Variants in PRKCH observed in about 807,000 individuals in gnomAD.
The protein encoded by PRKCH is protein kinase C eta type.
In PRKCH, 28 loss-of-function variants were observed where a neutral mutation model predicts 82.5. That is an observed-to-expected ratio of 0.34 (90% CI 0.25 to 0.47). The LOEUF (loss-of-function observed/expected upper bound fraction) is 0.47. PRKCH is among the 20% of genes least tolerant of loss of function. PRKCH has a pLI of 1.00. For synonymous variants in PRKCH, 322 were observed against 327.4 expected, an observed-to-expected ratio of 0.98 and a Z score of 0.18; for missense variants, 705 against 881.8, an observed-to-expected ratio of 0.80 and a Z score of 2.54.
At chr14:61,325,232 G>A (rs1439375854) in intron 1 of PRKCH, among the ~76,000 whole-genome samples, 2 of 152,168 alleles carry the variant, frequency 1.3e-5, no homozygotes, top group Non-Finnish European at 2.9e-5. Context: ...TAACATGACC[G>A]TAATCAAGAT....
intron 1 of PRKCH, chr14:61,281,133 G>A (rs1217474578): frequency 7.2e-7 from 1 of 1,397,778 alleles, no homozygotes; most frequent in Admixed American, 3.3e-5. Context: ...CCCGGGCCGT[G>A]GCGCTCCAGG....
At chr14:61,409,782 A>T (rs1882173569) in intron 2 of PRKCH, among the ~76,000 whole-genome samples, 1 of 152,004 alleles carries the variant, frequency 6.6e-6, no homozygotes, top group South Asian at 2.1e-4. Flanking sequence ...ATGTTTTAAA[A>T]GTAGATTGTA....
At chr14:61,531,852 A>G (rs1043177049) in intron 12 of PRKCH, among the ~76,000 whole-genome samples, 8 of 152,226 alleles carry the variant, frequency 5.3e-5, no homozygotes, top group Non-Finnish European at 2.9e-5. Context: ...GAAACCATAA[A>G]TATGGCTTTT....
chr14:61,257,608 C>G (rs935692667), intron 1 of PRKCH, among the ~76,000 whole-genome samples: 12 of 49,790 alleles, frequency 2.4e-4, no homozygotes, highest in Admixed American at 1.1e-3. Flanking sequence ...CACACAGACA[C>G]ACACACACAC....
chr14:61,248,907 C>A (rs1397936551), intron 1 of PRKCH, among the ~76,000 whole-genome samples: 1 of 151,974 alleles, frequency 6.6e-6, no homozygotes, highest in Non-Finnish European at 1.5e-5. Context: ...ATTCAAGCAA[C>A]TCTCATGCCT....
chr14:61,472,967 CATG>C (rs1566902042), intron 9 of PRKCH, among the ~76,000 whole-genome samples: 2 of 152,158 alleles, frequency 1.3e-5, no homozygotes, highest in Admixed American at 1.3e-4. Flanking sequence ...AGTCAAAGGT[CATG>C]ATAACACCAT....
chr14:61,338,627 A>G (rs2045889172), intron 1 of PRKCH, among the ~76,000 whole-genome samples: 1 of 152,168 alleles, frequency 6.6e-6, no homozygotes, highest in Non-Finnish European at 1.5e-5. Flanking sequence ...TGCGCTTGAT[A>G]AGAACAGGAC....
At chr14:61,512,391 C>T (rs940870898) in intron 10 of PRKCH, among the ~76,000 whole-genome samples, 2 of 151,690 alleles carry the variant, frequency 1.3e-5, no homozygotes, top group Non-Finnish European at 2.9e-5. Flanking sequence ...TGTTCCCAAA[C>T]TGCCTTCTCT....
chr14:61,367,527 CAATA>C, intron 1 of PRKCH, among the ~76,000 whole-genome samples: 1 of 151,812 alleles, frequency 6.6e-6, no homozygotes, highest in Non-Finnish European at 1.5e-5. Flanking sequence ...GGTAGGTGCT[CAATA>C]AATGTTTGTT....
intron 1 of PRKCH, chr14:61,278,278 A>G (rs2140090259): frequency 6.6e-6 from 1 of 152,346 alleles, no homozygotes; most frequent in South Asian, 2.1e-4. Context: ...ATGTTTTCAT[A>G]GCCTAAAATC....
intron 1 of PRKCH, among the ~76,000 whole-genome samples, chr14:61,291,923 C>T (rs1044312911): frequency 2.6e-5 from 4 of 152,014 alleles, no homozygotes; most frequent in African/African-American, 2.4e-5. Flanking sequence ...ATAAAAACTG[C>T]GAGCGCTCTT....
chr14:61,423,263 G>T (rs142745873), intron 2 of PRKCH, among the ~76,000 whole-genome samples: 170 of 152,294 alleles, frequency 1.1e-3, no homozygotes, highest in Middle Eastern at 6.8e-3. Context: ...TCAATAATCT[G>T]CAGGGATACA....
intron 2 of PRKCH, among the ~76,000 whole-genome samples, chr14:61,422,423 G>C (rs184823183): frequency 6.6e-6 from 1 of 152,280 alleles, no homozygotes; most frequent in Admixed American, 6.5e-5. Context: ...GCATAGCAGG[G>C]TGCAGATTGC....
chr14:61,388,806 A>G (rs1167576182), intron 1 of PRKCH, among the ~76,000 whole-genome samples: 1 of 152,228 alleles, frequency 6.6e-6, no homozygotes, highest in Admixed American at 6.5e-5. Context: ...TATTGTTAAC[A>G]GTAGTCATGA....
chr14:61,391,332 G>A, intron 2 of PRKCH, 44 bp downstream of exon 2: 2 of 1,467,642 alleles, frequency 1.4e-6, no homozygotes, highest in Non-Finnish European at 1.9e-6. Context: ...ATGTAATCTT[G>A]GTTTACACTC....
chr14:61,263,867 G>A (rs914099731), intron 1 of PRKCH, among the ~76,000 whole-genome samples: 8 of 140,332 alleles, frequency 5.7e-5, no homozygotes, highest in Non-Finnish European at 1.1e-4. Flanking sequence ...GTGTGTGTGT[G>A]TGTGTGTGTG....
chr14:61,227,028 C>A (rs2044702218), intron 1 of PRKCH, among the ~76,000 whole-genome samples: 1 of 152,176 alleles, frequency 6.6e-6, no homozygotes, highest in Non-Finnish European at 1.5e-5. Flanking sequence ...CATTAACCAC[C>A]TAAATTTGTT....
At chr14:61,540,353 G>A (rs750095807) in intron 12 of PRKCH, among the ~76,000 whole-genome samples, 13 of 152,206 alleles carry the variant, frequency 8.5e-5, no homozygotes, top group Non-Finnish European at 1.5e-4. Context: ...AAAGTAAACT[G>A]TGTAATGATT....
At chr14:61,243,899 C>T (rs2044860318) in intron 1 of PRKCH, among the ~76,000 whole-genome samples, 1 of 151,698 alleles carries the variant, frequency 6.6e-6, no homozygotes, top group African/African-American at 2.4e-5. Context: ...TTGCCTGAGC[C>T]CAGGAGCTTG....
Sources: allele counts gnomAD v4.1 joint callset (sites outside exome capture counted in the v4.1 genomes callset), GRCh38; gene constraint gnomAD v4.1.1; transcripts MANE v1.5; gene names NCBI Gene and HGNC (gene_info 2026-07-23, HGNC 2026-07-21).